EPHB1: variants seen among roughly 807,000 people sequenced by gnomAD.
The protein encoded by EPHB1 is ephrin type-B receptor 1.
EPHB1 carries 30 observed loss-of-function variants against 94.4 expected under a neutral mutation model. The observed-to-expected ratio is 0.32, with a 90% CI of 0.24 to 0.43. The LOEUF (loss-of-function observed/expected upper bound fraction) is 0.43. EPHB1 is among the 20% of genes least tolerant of loss of function. The pLI, the probability that EPHB1 is intolerant of heterozygous loss-of-function variation, is 1.00. For missense variants in EPHB1, 1,055 were observed against 1,308.3 expected, an observed-to-expected ratio of 0.81 and a Z score of 2.99; for synonymous variants, 522 against 489.1, an observed-to-expected ratio of 1.07 and a Z score of -0.89.
At chr3:135,233,409 G>T (rs371511325) in intron 12 of EPHB1, among the ~76,000 whole-genome samples, 1 of 152,192 alleles carries the variant, frequency 6.6e-6, no homozygotes, top group Non-Finnish European at 1.5e-5. Flanking sequence ...TCACATCCAG[G>T]TCATGCTGAT....
At chr3:134,855,965 C>T (rs1328356987) in intron 1 of EPHB1, among the ~76,000 whole-genome samples, 1 of 152,270 alleles carries the variant, frequency 6.6e-6, no homozygotes, top group Non-Finnish European at 1.5e-5. Flanking sequence ...TATTCAAGGT[C>T]ATGTAGCTAC....
chr3:135,259,251 A>G lies in EPHB1; in HGVS notation c.*131A>G. On this transcript the variant is annotated 3_prime_UTR_variant, in exon 16 of 16. Coordinates refer to ENST00000398015, the MANE Select transcript of EPHB1 (RefSeq NM_004441.5). ...AGGAATGCATTTCCATCAGTGAAGA[A>G]TCAACCGGACCTGTTGCTAGCAGGC... 2 of 692,434 alleles carry G rather than the reference A, an allele frequency of 2.9e-6. No individual in the cohort carries two copies. The highest frequency in any genetic ancestry group is 5.6e-5 in the East Asian group (2 of 35,446). 42.9% of individuals were successfully genotyped at this position (692,434 alleles called of 1,614,324 possible).
chr3:135,229,921 G>A lies in EPHB1; in HGVS notation c.2347-11227G>A, dbSNP rs565340222. On this transcript the variant is annotated intron_variant, in intron 12 of 15. Coordinates refer to ENST00000398015, the MANE Select transcript of EPHB1 (RefSeq NM_004441.5). ...CAAGGGTTGTTGGGGAGACACATGCGAAAGGTGGAATGGCATCATGGCCTA... is the reference window on the plus strand; with the variant it reads ...CAAGGGTTGTTGGGGAGACACATGCAAAAGGTGGAATGGCATCATGGCCTA... Among the ~76,000 whole-genome samples the A allele has an allele frequency of 1.9e-4, 29 of 152,308 alleles. No homozygotes were observed. The East Asian group carries it at 2.1e-3, about 11-fold the overall frequency.
At chr3:135,093,737 A>G (rs1938646619) in intron 3 of EPHB1, among the ~76,000 whole-genome samples, 2 of 145,168 alleles carry the variant, frequency 1.4e-5, no homozygotes, top group South Asian at 4.4e-4. Flanking sequence ...AAAAAAAAAA[A>G]TCGTTTTCCA....
intron 4 of EPHB1, among the ~76,000 whole-genome samples, chr3:135,121,481 C>G (rs116340912): frequency 1.0e-3 from 158 of 152,362 alleles, no homozygotes; most frequent in Non-Finnish European, 2.0e-3. Flanking sequence ...GTGCCAAAGA[C>G]TGAAGTGTGT....
Position 135,130,723 on chromosome 3 carries a change from G to A in EPHB1, c.962-1991G>A, listed in dbSNP as rs561896964. On this transcript the variant is annotated intron_variant, in intron 4 of 15. Coordinates refer to ENST00000398015, the MANE Select transcript of EPHB1 (RefSeq NM_004441.5). ...AGTGCCTGCCTCTGCCCCTTCACCCGAGGCTGCTTTCTGAGTGATAGCCTC... is the reference window on the plus strand; with the variant it reads ...AGTGCCTGCCTCTGCCCCTTCACCCAAGGCTGCTTTCTGAGTGATAGCCTC... Among the ~76,000 whole-genome samples, 62 of 152,268 alleles carry A rather than the reference G, an allele frequency of 4.1e-4. No individual in the cohort carries two copies. In the South Asian group the frequency reaches 0.012, roughly 31 times the overall value.
rs775788441 is a variant in EPHB1, at chr3:135,070,974, A to G, written c.806-35474A>G. Among the ~76,000 whole-genome samples, 5 of 152,062 alleles carry G rather than the reference A, an allele frequency of 3.3e-5. No individual in the cohort carries two copies. The East Asian group carries it at 9.6e-4, about 29-fold the overall frequency. The stretch of plus-strand genomic sequence containing the variant: ...CAAGTGTTCATTATACTACAGCGTC[A>G]CTCTGGCCAGGGAGGGTCAGATGGG... On this transcript the variant is annotated intron_variant, in intron 3 of 15. Coordinates refer to ENST00000398015, the MANE Select transcript of EPHB1 (RefSeq NM_004441.5).
intron 5 of EPHB1, among the ~76,000 whole-genome samples, chr3:135,150,629 C>G (rs1323973086): frequency 6.6e-6 from 1 of 152,182 alleles, no homozygotes; most frequent in Non-Finnish European, 1.5e-5. Flanking sequence ...GGCGATCACA[C>G]TCTCCTGGTT....
chr3:135,027,406 T>C (rs1432400150), intron 3 of EPHB1, among the ~76,000 whole-genome samples: 1 of 146,396 alleles, frequency 6.8e-6, no homozygotes, highest in African/African-American at 2.5e-5. Context: ...CCTAATTTAT[T>C]GAGAGTTTTT....
chr3:135,161,894 A>T, intron 6 of EPHB1, 124 bp from the exon 7 acceptor site: 1 of 1,069,650 alleles, frequency 9.3e-7, no homozygotes, highest in Non-Finnish European at 1.3e-6. Flanking sequence ...CCTGGAGCTG[A>T]TGACAACTGC....
intron 1 of EPHB1, among the ~76,000 whole-genome samples, chr3:134,803,423 C>T (rs1473919205): frequency 3.9e-5 from 6 of 152,088 alleles, no homozygotes; most frequent in Admixed American, 6.5e-5. Flanking sequence ...GGACTGATTA[C>T]GGGGGCCATG....
chr3:135,087,984 C>T (rs2107789965), intron 3 of EPHB1, among the ~76,000 whole-genome samples: 1 of 152,320 alleles, frequency 6.6e-6, no homozygotes, highest in African/African-American at 2.4e-5. Flanking sequence ...GTCAGGAATT[C>T]AGGCAGGCAG....
chr3:134,940,386 G>A (rs982490254), intron 2 of EPHB1, among the ~76,000 whole-genome samples: 3 of 152,184 alleles, frequency 2.0e-5, no homozygotes, highest in Admixed American at 6.5e-5. Context: ...AGTATTTTGC[G>A]AGTGAGGAAA....
chr3:134,978,179 C>G, intron 3 of EPHB1: 1 of 339,596 alleles, frequency 2.9e-6, no homozygotes, highest in Non-Finnish European at 5.8e-6. Context: ...AAGTCCTATC[C>G]ATTCCACTGT....
At chr3:134,922,630 C>T (rs751294452) in intron 1 of EPHB1, among the ~76,000 whole-genome samples, 2 of 152,168 alleles carry the variant, frequency 1.3e-5, no homozygotes, top group African/African-American at 2.4e-5. Context: ...CTGTTTTCCT[C>T]GCCACCATCC....
intron 3 of EPHB1, among the ~76,000 whole-genome samples, chr3:135,060,802 A>G (rs1576354158): frequency 6.6e-6 from 1 of 152,092 alleles, no homozygotes; most frequent in Non-Finnish European, 1.5e-5. Flanking sequence ...ATCCAGTTAC[A>G]CTGTTTTAGT....
chr3:134,991,350 T>G (rs1467022560), intron 3 of EPHB1, among the ~76,000 whole-genome samples: 1 of 152,152 alleles, frequency 6.6e-6, no homozygotes, highest in Non-Finnish European at 1.5e-5. Context: ...TATCACTGTC[T>G]TCTCTCTCTC....
At chr3:135,093,921 C>A (rs1205147505) in intron 3 of EPHB1, among the ~76,000 whole-genome samples, 2 of 152,130 alleles carry the variant, frequency 1.3e-5, no homozygotes, top group African/African-American at 4.8e-5. Context: ...CACCATCTTT[C>A]TTGATGGGGT....
At chr3:135,144,310 G>A (rs1940936831) in intron 5 of EPHB1, among the ~76,000 whole-genome samples, 1 of 152,170 alleles carries the variant, frequency 6.6e-6, no homozygotes, top group South Asian at 2.1e-4. Context: ...GTCAAACTTT[G>A]ACATTCTGAT....
Sources: gnomAD v4.1 joint callset for allele counts (sites outside exome capture counted in the v4.1 genomes callset) on GRCh38, gnomAD v4.1.1 for gene constraint, MANE v1.5 for transcripts, NCBI Gene and HGNC (gene_info 2026-07-23, HGNC 2026-07-21) for gene names.